Variants in FBXL17 observed in about 807,000 individuals in gnomAD.
FBXL17 encodes the protein F-box/LRR-repeat protein 17.
A neutral mutation model predicts 66.2 loss-of-function variants in FBXL17; 22 were observed. The observed-to-expected ratio is 0.33, with a 90% CI of 0.24 to 0.47. The LOEUF is 0.47. Ranked by LOEUF, FBXL17 falls within the 20% of genes least tolerant of loss-of-function variation. The pLI, the probability that FBXL17 is intolerant of heterozygous loss-of-function variation, is 1.00. For missense variants in FBXL17, 878 were observed against 948.2 expected (o/e 0.93, Z 0.97); for synonymous variants, 474 against 400.5 (o/e 1.18, Z -2.19).
intron 6 of FBXL17, among the ~76,000 whole-genome samples, chr5:108,066,040 T>C (rs543659823): frequency 6.6e-6 from 1 of 152,252 alleles, no homozygotes; most frequent in East Asian, 1.9e-4. Flanking sequence ...GGGATTTTCA[T>C]GGACTCCCCT....
chr5:108,183,746 T>C (rs986422028), intron 6 of FBXL17, among the ~76,000 whole-genome samples: 1 of 152,068 alleles, frequency 6.6e-6, no homozygotes, highest in African/African-American at 2.4e-5. Flanking sequence ...AGTTCCCATG[T>C]CCATTATACC....
chr5:107,911,465 T>C (rs888074213), intron 7 of FBXL17, among the ~76,000 whole-genome samples: 22 of 152,168 alleles, frequency 1.4e-4, no homozygotes, highest in African/African-American at 5.3e-4. Context: ...TACTTCATAA[T>C]AGAAAACACT....
chr5:108,330,736 G>A (rs577359672), intron 4 of FBXL17, among the ~76,000 whole-genome samples: 9 of 151,578 alleles, frequency 5.9e-5, no homozygotes, highest in African/African-American at 1.2e-4. Context: ...ATCATCACAC[G>A]TGCACACACA....
chr5:108,107,927 T>A (rs1233138731), intron 6 of FBXL17, among the ~76,000 whole-genome samples: 1 of 152,162 alleles, frequency 6.6e-6, no homozygotes, highest in Non-Finnish European at 1.5e-5. Flanking sequence ...CCCCTTTGCA[T>A]GACCTATTAA....
At chr5:108,176,241 T>C (rs906573206) in intron 6 of FBXL17, among the ~76,000 whole-genome samples, 4 of 152,192 alleles carry the variant, frequency 2.6e-5, no homozygotes, top group Admixed American at 6.5e-5. Flanking sequence ...TTCTTTCCTA[T>C]AATTTAAAAA....
At chr5:108,230,841 T>C (rs970657301) in intron 4 of FBXL17, among the ~76,000 whole-genome samples, 1 of 151,912 alleles carries the variant, frequency 6.6e-6, no homozygotes, top group East Asian at 1.9e-4. Flanking sequence ...TAGGGTGCAG[T>C]GTATACTGCC....
intron 6 of FBXL17, among the ~76,000 whole-genome samples, chr5:108,061,806 C>T (rs1032503280): frequency 1.3e-5 from 2 of 151,786 alleles, no homozygotes; most frequent in Admixed American, 6.6e-5. Flanking sequence ...TAATTAAAAC[C>T]ATGACTTTTG....
At chr5:108,333,315 G>C (rs766738631) in intron 4 of FBXL17, among the ~76,000 whole-genome samples, 9 of 151,918 alleles carry the variant, frequency 5.9e-5, no homozygotes, top group Non-Finnish European at 1.3e-4. Flanking sequence ...AAAGGAAGAA[G>C]ATGTAAGGTT....
intron 5 of FBXL17, among the ~76,000 whole-genome samples, chr5:108,214,228 C>A (rs1470539661): frequency 6.6e-6 from 1 of 152,160 alleles, no homozygotes; most frequent in Non-Finnish European, 1.5e-5. Flanking sequence ...AGGCTTGGTA[C>A]TATCCATGGT....
chr5:108,378,767 T>C (rs906371947), intron 1 of FBXL17, among the ~76,000 whole-genome samples: 1 of 152,242 alleles, frequency 6.6e-6, no homozygotes, highest in Non-Finnish European at 1.5e-5. Context: ...TGAGCGCTAC[T>C]ATATGCCAGA....
chr5:108,225,611 GAAGA>G (rs886155425), intron 4 of FBXL17, among the ~76,000 whole-genome samples: 19 of 152,142 alleles, frequency 1.2e-4, no homozygotes, highest in Admixed American at 1.2e-3. Context: ...TAGCACTTTA[GAAGA>G]AACATGGCCC....
At chr5:108,165,182 C>G (rs1752369947) in intron 6 of FBXL17, among the ~76,000 whole-genome samples, 2 of 152,056 alleles carry the variant, frequency 1.3e-5, no homozygotes, top group Non-Finnish European at 2.9e-5. Context: ...AAAATCTTAC[C>G]ACTAACCTGT....
intron 4 of FBXL17, chr5:108,299,582 G>C: frequency 1.0e-6 from 1 of 971,464 alleles, no homozygotes; most frequent in Non-Finnish European, 1.2e-6. Flanking sequence ...GCTCCCTGGC[G>C]TTTTACTTTC....
chr5:108,271,437 C>T (rs13153782), intron 4 of FBXL17, among the ~76,000 whole-genome samples: 28,244 of 152,104 alleles, frequency 0.19, 2,675 homozygotes, highest in South Asian at 0.33. Context: ...GAATTCCTGA[C>T]ACCCGGCAAA....
intron 7 of FBXL17, among the ~76,000 whole-genome samples, chr5:107,981,172 G>A (rs555951609): frequency 6.6e-6 from 1 of 152,204 alleles, no homozygotes; most frequent in African/African-American, 2.4e-5. Flanking sequence ...AGAGAGTGAG[G>A]AGGAGTTCAG....
chr5:107,940,269 T>C (rs184109934), intron 7 of FBXL17, among the ~76,000 whole-genome samples: 118 of 145,868 alleles, frequency 8.1e-4, no homozygotes, highest in African/African-American at 2.9e-3. Flanking sequence ...ATTCATTCAT[T>C]CATCCATTCA....
chr5:107,917,735 T>C (rs1223135448), intron 7 of FBXL17, among the ~76,000 whole-genome samples: 1 of 152,240 alleles, frequency 6.6e-6, no homozygotes, highest in Non-Finnish European at 1.5e-5. Context: ...CTCCCTTTCA[T>C]ATTTAATCAA....
At chr5:108,257,126 C>T (rs1369489429) in intron 4 of FBXL17, among the ~76,000 whole-genome samples, 2 of 152,150 alleles carry the variant, frequency 1.3e-5, no homozygotes, top group African/African-American at 4.8e-5. Context: ...CAGAACTTAA[C>T]ACTGATTAGC....
At chr5:108,372,506 C>T (rs577744946) in intron 1 of FBXL17, among the ~76,000 whole-genome samples, 40 of 151,970 alleles carry the variant, frequency 2.6e-4, no homozygotes, top group Non-Finnish European at 3.4e-4. Flanking sequence ...AGACAAAAAC[C>T]GAGAGAACCC....
Sources: allele counts gnomAD v4.1 joint callset (sites outside exome capture counted in the v4.1 genomes callset), GRCh38; gene constraint gnomAD v4.1.1; transcripts MANE v1.5; gene names NCBI Gene and HGNC (gene_info 2026-07-23, HGNC 2026-07-21).